Variants in AHRR observed in about 807,000 individuals in gnomAD.
AHRR encodes aryl hydrocarbon receptor repressor, also known as ahR repressor.
AHRR carries 28 observed loss-of-function variants against 44.0 expected under a neutral mutation model. The ratio of observed to expected loss-of-function variants is 0.64; its 90% confidence interval spans 0.47 to 0.87. The LOEUF (loss-of-function observed/expected upper bound fraction) is 0.87, where lower values mean the gene tolerates loss of function less well. AHRR is among the 40% of genes least tolerant of loss of function. The probability of loss-of-function intolerance (pLI) is 0.00; values close to 1 mark genes in which losing one functional copy is unlikely to be tolerated. For missense variants in AHRR, 990 were observed against 953.9 expected, an observed-to-expected ratio of 1.04 and a Z score of -0.50; for synonymous variants, 434 against 407.0, an observed-to-expected ratio of 1.07 and a Z score of -0.80.
Position 423,875 on chromosome 5 carries a change from C to T in AHRR, c.606C>T (p.Ala202=), listed in dbSNP as rs745353005. ...CTATCCTGGGGAGGCTGCTCAGGGC[C>T]CAGGAGTGGGGCACAGGCACGCCCA... is the stretch of plus-strand genomic sequence containing the variant. ...DDAILGRLLR[A]QEWGTGTPTE... The change falls in exon 7 of 11, where the codon GCC becomes GCT. Residue 202 remains alanine, a synonymous_variant. Transcript: ENST00000684583. 2.5e-6 allele frequency: 4 copies of T among 1,605,686 alleles called. No individual in the cohort carries two copies. Among genetic ancestry groups the T allele is most frequent in the South Asian group, 1.1e-5 (1 of 91,052 alleles).
intron 1 of AHRR, among the ~76,000 whole-genome samples, chr5:325,598 G>A (rs1741678704): frequency 6.6e-6 from 1 of 152,082 alleles, no homozygotes; most frequent in African/African-American, 2.4e-5. Context: ...ACCTCGGGGG[G>A]AGGGCTGGAC....
intron 3 of AHRR, among the ~76,000 whole-genome samples, chr5:355,518 C>T (rs915966274): frequency 5.3e-5 from 8 of 152,192 alleles, no homozygotes; most frequent in Non-Finnish European, 1.2e-4. Flanking sequence ...ACCGCACAGC[C>T]TCACCCTCTC....
chr5:344,355 G>T (rs1190820036), intron 2 of AHRR, among the ~76,000 whole-genome samples: 1 of 150,372 alleles, frequency 6.7e-6, no homozygotes, highest in Non-Finnish European at 1.5e-5. Context: ...CCGGGTGTGT[G>T]CGTGTGTGGC....
Position 432,789 on chromosome 5 carries a change from C to CT in AHRR, c.971-17_971-16insT, listed in dbSNP as rs1736793419. On this transcript the variant is annotated splice_polypyrimidine_tract_variant and intron_variant, in intron 9 of 10. Transcript: ENST00000684583. ...GCTCGCACCGTGACGGCTTCCCCCCCCTCTAAACCCCAACAGGAAGGAGCA... is the reference window on the plus strand; with the variant it reads ...GCTCGCACCGTGACGGCTTCCCCCCCTCTCTAAACCCCAACAGGAAGGAGCA... 6.2e-7 allele frequency: 1 copy of CT among 1,613,756 alleles called. No homozygotes were observed.
chr5:368,093 C>T (rs1743431471), intron 3 of AHRR: 2 of 597,014 alleles, frequency 3.4e-6, no homozygotes, highest in South Asian at 4.0e-5. Flanking sequence ...CCTACGAATT[C>T]ATTATTTATA....
intron 10 of AHRR, among the ~76,000 whole-genome samples, 190 bp from the exon 11 acceptor site, chr5:433,663 T>TG (rs1448319237): frequency 6.6e-6 from 1 of 151,274 alleles, no homozygotes; most frequent in Admixed American, 6.6e-5. Flanking sequence ...GCAGTGGGGG[T>TG]GGGGTGCTGG....
intron 4 of AHRR, among the ~76,000 whole-genome samples, chr5:410,833 T>A (rs1735442255): frequency 6.6e-6 from 1 of 152,234 alleles, no homozygotes; most frequent in African/African-American, 2.4e-5. Context: ...AGTATAAGGT[T>A]ATTTAGATTT....
At chr5:424,888 C>T (rs1579705174) in intron 7 of AHRR, among the ~76,000 whole-genome samples, 2 of 152,354 alleles carry the variant, frequency 1.3e-5, no homozygotes, top group South Asian at 4.1e-4. Context: ...GGCCTCCCAC[C>T]CTGTCCCAGA....
chr5:384,295 A>G (rs1734088694), intron 4 of AHRR, among the ~76,000 whole-genome samples: 1 of 152,158 alleles, frequency 6.6e-6, no homozygotes, highest in African/African-American at 2.4e-5. Flanking sequence ...TAATATATAA[A>G]TCCTACTTTA....
intron 4 of AHRR, among the ~76,000 whole-genome samples, chr5:400,931 G>A (rs1218158166): frequency 1.3e-5 from 2 of 152,192 alleles, no homozygotes; most frequent in African/African-American, 2.4e-5. Flanking sequence ...GGCAGGAGCC[G>A]GCGGGCACAG....
At chr5:346,024 C>T (rs181641372) in intron 2 of AHRR, among the ~76,000 whole-genome samples, 3 of 152,294 alleles carry the variant, frequency 2.0e-5, no homozygotes, top group Admixed American at 6.5e-5. Flanking sequence ...CCCAGGCTGA[C>T]GCTGGCCCAG....
chr5:389,433 C>T (rs1027331220), intron 4 of AHRR, among the ~76,000 whole-genome samples: 1 of 152,206 alleles, frequency 6.6e-6, no homozygotes, highest in Non-Finnish European at 1.5e-5. Flanking sequence ...CAACATCAAG[C>T]CACATTCAAC....
In AHRR at chr5:351,641, G is replaced by A. The variant is rs1307719738; in HGVS notation, c.63-2089G>A. ...ATGGGTAAGGGTTTCCTTCAAGGTTGGAACTAAATAGAGGTGAGGTTTGCA... is the reference window on the plus strand; with the variant it reads ...ATGGGTAAGGGTTTCCTTCAAGGTTAGAACTAAATAGAGGTGAGGTTTGCA... On this transcript the variant is annotated intron_variant, in intron 2 of 10. Transcript: ENST00000684583. 2.0e-5 allele frequency among the ~76,000 whole-genome samples: 3 copies of A among 152,224 alleles called. No individual in the cohort carries two copies. In the East Asian group the frequency reaches 5.8e-4, roughly 29 times the overall value.
chr5:433,550 T>C (rs2126551834), intron 10 of AHRR, among the ~76,000 whole-genome samples: 1 of 152,340 alleles, frequency 6.6e-6, no homozygotes. Context: ...CGCTAGTGAC[T>C]GGTGTGGCTG....
At chr5:353,480 C>T (rs1380908702) in intron 2 of AHRR, among the ~76,000 whole-genome samples, 2 of 152,180 alleles carry the variant, frequency 1.3e-5, no homozygotes, top group African/African-American at 2.4e-5. Context: ...CTCTGAGCTG[C>T]GGTTCTCCGG....
At chr5:433,617 G>A (rs1195914373) in intron 10 of AHRR, among the ~76,000 whole-genome samples, 5 of 152,154 alleles carry the variant, frequency 3.3e-5, no homozygotes, top group Admixed American at 6.5e-5. Context: ...CTGCACCCTC[G>A]CCCCACCCTG....
At chr5:335,273 GGTGGCA>G (rs1462577757) in intron 1 of AHRR, among the ~76,000 whole-genome samples, 1 of 152,188 alleles carries the variant, frequency 6.6e-6, no homozygotes, top group Non-Finnish European at 1.5e-5. Context: ...GGGCAATGGT[GGTGGCA>G]GTGGTGGTGA....
Position 434,717 on chromosome 5 carries a change from C to A in AHRR, c.1977C>A (p.Pro659=). 1 of 1,573,702 alleles carries A rather than the reference C, an allele frequency of 6.4e-7. No individual in the cohort carries two copies. Among genetic ancestry groups the A allele is most frequent in the East Asian group, 2.3e-5 (1 of 42,556 alleles). The change falls in exon 11 of 11, where the codon CCC becomes CCA. Residue 659 remains proline (P), a synonymous_variant. Transcript: ENST00000684583. ...AEAAPVVKRE[P]LDSPQWATHS... is the part of the protein sequence containing the mutation. ...CCGCCCCTGTGGTCAAGCGGGAGCC[C>A]TTGGACTCACCCCAGTGGGCTACTC...
At chr5:396,398 G>A (rs1313899023) in intron 4 of AHRR, among the ~76,000 whole-genome samples, 3 of 152,154 alleles carry the variant, frequency 2.0e-5, no homozygotes, top group Non-Finnish European at 4.4e-5. Flanking sequence ...GTGTCTGGGG[G>A]TACTGAGGCG....
Sources: allele counts gnomAD v4.1 joint callset (sites outside exome capture counted in the v4.1 genomes callset), GRCh38; gene constraint gnomAD v4.1.1; transcripts MANE v1.5; gene names NCBI Gene and HGNC (gene_info 2026-07-23, HGNC 2026-07-21).